The following FNTA variants were observed in gnomAD, a reference collection of about 807,000 sequenced individuals.
FNTA encodes protein farnesyltransferase/geranylgeranyltransferase type-1 subunit alpha.
FNTA carries 27 observed loss-of-function variants against 55.2 expected under a neutral mutation model. The observed-to-expected ratio is 0.49, with a 90% confidence interval of 0.36 to 0.67. The LOEUF is 0.67. Ranked by LOEUF, FNTA falls within the 30% of genes least tolerant of loss-of-function variation. The pLI is 0.00. For missense variants in FNTA, 422 were observed against 464.7 expected, an observed-to-expected ratio of 0.91 and a Z score of 0.85; for synonymous variants, 176 against 170.7, an observed-to-expected ratio of 1.03 and a Z score of -0.24.
At chr8:43,059,408 T>C (rs1810482843) in intron 2 of FNTA, among the ~76,000 whole-genome samples, 1 of 152,234 alleles carries the variant, frequency 6.6e-6, no homozygotes, top group South Asian at 2.1e-4. Flanking sequence ...CGTTACAGTA[T>C]AGTAGATAAT....
chr8:43,081,520 G>A (rs1811027087), intron 6 of FNTA: 1 of 152,158 alleles, frequency 6.6e-6, no homozygotes, highest in Non-Finnish European at 1.5e-5. Flanking sequence ...ATGGGACCAG[G>A]ATTTGAAGCG....
intron 7 of FNTA, 69 bp downstream of exon 7, chr8:43,083,249 T>TACAC: frequency 2.4e-6 from 2 of 844,264 alleles, no homozygotes; most frequent in Non-Finnish European, 3.8e-6. Context: ...ATGGAGTGTA[T>TACAC]TCCATAATCA....
chr8:43,077,440 C>G, intron 6 of FNTA, 76 bp downstream of exon 6: 1 of 1,194,840 alleles, frequency 8.4e-7, no homozygotes, highest in South Asian at 1.5e-5. Context: ...ACTGGGGATA[C>G]AGCAGATCAA....
intron 6 of FNTA, chr8:43,080,054 T>TTC (rs1228658587): frequency 3.3e-5 from 5 of 152,328 alleles, no homozygotes; most frequent in Admixed American, 1.3e-4. Flanking sequence ...AAGAAGTGGT[T>TTC]TCTCAAGATG....
At chr8:43,077,457 A>G in intron 6 of FNTA, 93 bp downstream of exon 6, 1 of 907,686 alleles carries the variant, frequency 1.1e-6, no homozygotes. Context: ...TCAAGATCCT[A>G]CCCCATGGAA....
intron 3 of FNTA, among the ~76,000 whole-genome samples, chr8:43,067,876 C>T (rs1435047633): frequency 2.6e-5 from 4 of 152,074 alleles, no homozygotes; most frequent in East Asian, 1.9e-4. Context: ...TCTGCCACCA[C>T]ACCCAGCTAG....
In FNTA at chr8:43,076,432, C is replaced by G. The variant is rs142968781; in HGVS notation, c.634-784C>G. On this transcript the variant is annotated intron_variant, in intron 5 of 8. Coordinates refer to ENST00000302279, the MANE Select transcript of FNTA (RefSeq NM_002027.3). ...CCTCAAGTGACCTTTCTGCCTCAGC[C>G]TCCTGAAGCAGTGGGATTGCCCATG... 3.6e-3 allele frequency among the ~76,000 whole-genome samples: 554 copies of G among 152,316 alleles called. 2 individuals are homozygous for G. Among genetic ancestry groups the G allele is most frequent in the African/African-American group, 0.013 (528 of 41,588 alleles).
chr8:43,061,044 T>G (rs2130542483), intron 2 of FNTA, among the ~76,000 whole-genome samples: 1 of 152,356 alleles, frequency 6.6e-6, no homozygotes, highest in East Asian at 1.9e-4. Flanking sequence ...AATTCCATTT[T>G]CCACCCATGA....
In FNTA at chr8:43,085,463, T is replaced by C; in HGVS notation, c.*181T>C. The C allele has an allele frequency of 1.7e-6, 1 of 576,118 alleles. No individual in the cohort carries two copies. The highest frequency in any genetic ancestry group is 2.6e-5 in the South Asian group (1 of 38,344). The allele number at this position is 576,118 out of a possible 1,614,324, so 35.7% of individuals were successfully genotyped here. On this transcript the variant is annotated 3_prime_UTR_variant, in exon 9 of 9. Coordinates refer to ENST00000302279, the MANE Select transcript of FNTA (RefSeq NM_002027.3). ...TGCTACTCAGACTAGCTCTAAGTAATGTGATTCTTCTAAAGCAAAGTCATT... is the reference window on the plus strand; with the variant it reads ...TGCTACTCAGACTAGCTCTAAGTAACGTGATTCTTCTAAAGCAAAGTCATT...
chr8:43,070,919 C>G (rs1183076880), intron 4 of FNTA, among the ~76,000 whole-genome samples: 1 of 152,192 alleles, frequency 6.6e-6, no homozygotes, highest in Non-Finnish European at 1.5e-5. Flanking sequence ...AATTACTGAA[C>G]TCACCAGCAA....
chr8:43,063,229 G>A (rs756903176), intron 2 of FNTA: 2 of 454,858 alleles, frequency 4.4e-6, no homozygotes, highest in Non-Finnish European at 8.8e-6. Flanking sequence ...TGCAGGCCTG[G>A]ATCACCACGC....
intron 7 of FNTA, among the ~76,000 whole-genome samples, chr8:43,083,680 G>C (rs1811067945): frequency 1.3e-5 from 2 of 152,174 alleles, no homozygotes; most frequent in Admixed American, 1.3e-4. Flanking sequence ...AGGAAACTAG[G>C]CTCAAAGAGC....
At chr8:43,058,170 C>G (rs1307339413) in intron 1 of FNTA, among the ~76,000 whole-genome samples, 1 of 151,792 alleles carries the variant, frequency 6.6e-6, no homozygotes, top group South Asian at 2.1e-4. Context: ...CTCCAAATAC[C>G]CTTCTAAGGT....
chr8:43,069,114 AT>A (rs1165454431), intron 3 of FNTA, among the ~76,000 whole-genome samples: 4 of 148,720 alleles, frequency 2.7e-5, no homozygotes, highest in African/African-American at 4.9e-5. Flanking sequence ...CCTATGTATA[AT>A]TTTTTTTTTG....
intron 7 of FNTA, among the ~76,000 whole-genome samples, chr8:43,083,869 T>C (rs1197842711): frequency 6.6e-6 from 1 of 151,718 alleles, no homozygotes; most frequent in Non-Finnish European, 1.5e-5. Context: ...GGCTAGGAGG[T>C]CGAGACCAGC....
At chr8:43,066,670 T>A (rs1810668144) in intron 3 of FNTA, among the ~76,000 whole-genome samples, 1 of 151,724 alleles carries the variant, frequency 6.6e-6, no homozygotes, top group Non-Finnish European at 1.5e-5. Flanking sequence ...ATATAAATAT[T>A]TTTCTCAAAT....
rs1397993255 is a variant in FNTA at position 43,064,287 on chromosome 8, G to T, written c.401+72G>T. ...CAAGTGGCTTTTCTTTTTTTAAACT[G>T]TACTTTAATTTTTTTAAACTGTACT... On this transcript the variant is annotated intron_variant, in intron 3 of 8. Coordinates refer to ENST00000302279, the MANE Select transcript of FNTA (RefSeq NM_002027.3). The T allele has an allele frequency of 7.3e-6, 7 of 962,368 alleles. No individual in the cohort carries two copies. The Admixed American group carries it at 8.5e-5, about 12-fold the overall frequency. The allele number at this position is 962,368 out of a possible 1,614,324, so 59.6% of individuals were successfully genotyped here. A position where few individuals can be genotyped will look rare whatever the true frequency, so the allele number is the denominator to read the frequency against.
chr8:43,074,558 CA>C (rs1810866463), intron 5 of FNTA, among the ~76,000 whole-genome samples: 1 of 151,842 alleles, frequency 6.6e-6, no homozygotes, highest in Non-Finnish European at 1.5e-5. Context: ...AATACACACA[CA>C]CACACACACA....
At chr8:43,062,173 A>ATGTG (rs35607201) in intron 2 of FNTA, among the ~76,000 whole-genome samples, 9,053 of 148,940 alleles carry the variant, frequency 0.061, 275 homozygotes, top group South Asian at 0.079. Context: ...TGTATGTTTT[A>ATGTG]TGTGTGTGTG....
Sources: allele counts gnomAD v4.1 joint callset (sites outside exome capture counted in the v4.1 genomes callset), GRCh38; gene constraint gnomAD v4.1.1; transcripts MANE v1.5; gene names NCBI Gene and HGNC (gene_info 2026-07-23, HGNC 2026-07-21).